Variants in TRPA1 observed in about 807,000 individuals in gnomAD.
TRPA1 encodes the protein ankyrin-like with transmembrane domains 1.
Under a neutral mutation model 131.3 loss-of-function variants are expected in TRPA1, and 129 were observed. The ratio of observed to expected loss-of-function variants is 0.98; its 90% CI spans 0.85 to 1.14. The LOEUF is 1.14. Among genes scored for constraint, TRPA1 ranks in the 50% most tolerant of loss-of-function variants. The pLI is 0.00. For missense variants in TRPA1, 1,304 were observed against 1,354.2 expected (o/e 0.96, Z 0.58); for synonymous variants, 441 against 451.7 (o/e 0.98, Z 0.30).
At chr8:72,035,155 T>C (rs1811986334) in intron 21 of TRPA1, among the ~76,000 whole-genome samples, 1 of 152,202 alleles carries the variant, frequency 6.6e-6, no homozygotes, top group African/African-American at 2.4e-5. Context: ...GCCTCTAACT[T>C]GTAGTCTGCC....
intron 16 of TRPA1, 132 bp from the exon 17 acceptor site, chr8:72,046,740 A>G: frequency 3.5e-6 from 2 of 576,312 alleles, no homozygotes; most frequent in Non-Finnish European, 6.1e-6. Context: ...AACAAAGTTG[A>G]GTTATTTCAA....
upstream of TRPA1, among the ~76,000 whole-genome samples, chr8:72,075,791 G>A (rs1177783323): frequency 1.3e-5 from 2 of 152,098 alleles, no homozygotes; most frequent in African/African-American, 4.8e-5. Context: ...TCAGGTCGGG[G>A]TGGATTGCAG....
At chr8:72,028,350 C>T (rs1387490517) in intron 24 of TRPA1, among the ~76,000 whole-genome samples, 4 of 152,234 alleles carry the variant, frequency 2.6e-5, no homozygotes, top group Non-Finnish European at 5.9e-5. Context: ...CACCCACTAA[C>T]ATGAATGATC....
upstream of TRPA1, among the ~76,000 whole-genome samples, chr8:72,080,219 C>T (rs75165114): frequency 0.011 from 1,635 of 151,776 alleles, 16 homozygotes; most frequent in Middle Eastern, 0.024. Flanking sequence ...TTACCTTTTT[C>T]CCAATCTTAG....
rs554371881 is a variant in TRPA1, at chr8:72,032,557, C to T, written c.2868+1087G>A. Reference sequence around the variant, plus strand: ...TCTTGGCTCTGTTGGTTTTGATTTTCCTCCAGGATATCCAGGTAGAGATGC... The same window carrying T: ...TCTTGGCTCTGTTGGTTTTGATTTTTCTCCAGGATATCCAGGTAGAGATGC... On this transcript the variant is annotated intron_variant, in intron 23 of 26. Coordinates refer to ENST00000262209, the MANE Select transcript of TRPA1 (RefSeq NM_007332.3). 7.2e-5 allele frequency among the ~76,000 whole-genome samples: 11 copies of T among 152,292 alleles called. No individual in the cohort carries two copies. The South Asian group carries it at 2.3e-3, about 32-fold the overall frequency.
intron 13 of TRPA1, 158 bp downstream of exon 13, chr8:72,053,595 G>C: frequency 1.5e-6 from 1 of 670,976 alleles, no homozygotes; most frequent in South Asian, 1.6e-5. Context: ...GTTGCCTTTT[G>C]ATTCATACTT....
At chr8:72,050,281 C>A (rs1353912779) in intron 15 of TRPA1, among the ~76,000 whole-genome samples, 4 of 152,124 alleles carry the variant, frequency 2.6e-5, no homozygotes, top group Non-Finnish European at 4.4e-5. Flanking sequence ...ATTGTCCCAT[C>A]CATGGGAAGC....
chr8:72,065,386 A>G, intron 4 of TRPA1, 65 bp downstream of exon 4: 1 of 1,285,848 alleles, frequency 7.8e-7, no homozygotes, highest in Non-Finnish European at 1.1e-6. Flanking sequence ...TTTGTAAATA[A>G]TAATAATCCA....
chr8:72,055,149 G>T, intron 12 of TRPA1: 1 of 384,322 alleles, frequency 2.6e-6, no homozygotes. Flanking sequence ...ATGTTTCAAA[G>T]AAAGGTTCTG....
At position 72,031,280 on chromosome 8, in the gene TRPA1, T is replaced by A. The variant is rs1380489301; in HGVS notation, c.2869-1311A>T. ...TCTCTCCAATTTACATTGACCCCCA[T>A]CAAAACCAACCATCTCTGCCAGGCG... On this transcript the variant is annotated intron_variant, in intron 23 of 26. Coordinates refer to ENST00000262209, the MANE Select transcript of TRPA1 (RefSeq NM_007332.3). Among the ~76,000 whole-genome samples the A allele has an allele frequency of 3.3e-5, 5 of 152,224 alleles. 1 individual carries two copies. The highest frequency in any genetic ancestry group is 3.3e-4 in the Admixed American group (5 of 15,282).
Position 72,052,653 on chromosome 8 carries a change from A to G in TRPA1, c.1757T>C (p.Leu586Pro). The change falls in exon 14 of 27, where the codon CTT (leucine) becomes CCT (proline). Residue 586 changes from leucine (L) to proline (P), a missense_variant. Transcript: ENST00000262209. ...LNKQQASFLH[L>P]ALHNKRKEVV... ...CTCCTTCCTCTTATTGTGAAGTGCA[A>G]GGTGCAAAAAGGAGGCCTGCTGCTT... 6.2e-7 allele frequency: 1 copy of G among 1,613,778 alleles called. No individual in the cohort carries two copies.
rs1563378058 is a variant in TRPA1 at position 72,023,867 on chromosome 8, T to C, written c.3096A>G (p.Glu1032=). ...CTAAAGATTTATCAGCATTTGGTAT[T>C]TCTTGTCTTATTTCCCCAGTGCAAA... ...FLFCTGEIRQ[E]IPNADKSLEM... is the part of the protein sequence containing the mutation. Residue 1032 remains glutamate, a synonymous_variant, in exon 26 of 27, where the codon GAA becomes GAG. Transcript: ENST00000262209. The C allele has an allele frequency of 1.3e-6, 2 of 1,595,506 alleles. No homozygotes were observed. Among genetic ancestry groups the C allele is most frequent in the East Asian group, 2.2e-5 (1 of 44,634 alleles).
At chr8:72,033,515 C>T (rs1811911714) in intron 23 of TRPA1, 129 bp downstream of exon 23, 5 of 920,362 alleles carry the variant, frequency 5.4e-6, no homozygotes, top group Middle Eastern at 3.4e-4. Context: ...GAGTGTTGAA[C>T]GAATAGATTT....
At chr8:72,028,698 G>T (rs1208175671) in intron 24 of TRPA1, among the ~76,000 whole-genome samples, 2 of 152,194 alleles carry the variant, frequency 1.3e-5, no homozygotes, top group African/African-American at 2.4e-5. Context: ...GGTGTGCTAA[G>T]TAGGCATAGT....
the TRPA1 span, among the ~76,000 whole-genome samples, chr8:72,087,915 G>A: frequency 6.6e-6 from 1 of 152,162 alleles, no homozygotes; most frequent in African/African-American, 2.4e-5. Context: ...GCCGCTAGGA[G>A]GGCAGCTCTA....
chr8:72,084,280 T>C, the TRPA1 span, among the ~76,000 whole-genome samples: 1 of 152,162 alleles, frequency 6.6e-6, no homozygotes, highest in African/African-American at 2.4e-5. Flanking sequence ...CAATTTTTAG[T>C]TTCCTTGAAA....
intron 16 of TRPA1, among the ~76,000 whole-genome samples, 162 bp from the exon 17 acceptor site, chr8:72,046,770 T>C (rs1345060395): frequency 6.6e-6 from 1 of 152,052 alleles, no homozygotes; most frequent in Non-Finnish European, 1.5e-5. Flanking sequence ...GGAAATTAAG[T>C]TATTGCATAT....
intron 24 of TRPA1, among the ~76,000 whole-genome samples, chr8:72,026,532 A>C (rs552575457): frequency 6.6e-6 from 1 of 152,314 alleles, no homozygotes; most frequent in African/African-American, 2.4e-5. Context: ...GGAGAGAAGA[A>C]GGAGTGCTTA....
chr8:72,072,461 T>C (rs1467224944), intron 1 of TRPA1, among the ~76,000 whole-genome samples: 1 of 152,218 alleles, frequency 6.6e-6, no homozygotes, highest in Non-Finnish European at 1.5e-5. Context: ...GAATAGTACC[T>C]AACAAGTCAC....
Sources: gnomAD v4.1 joint callset for allele counts (sites outside exome capture counted in the v4.1 genomes callset) on GRCh38, gnomAD v4.1.1 for gene constraint, MANE v1.5 for transcripts, NCBI Gene and HGNC (gene_info 2026-07-23, HGNC 2026-07-21) for gene names.